The following ZFAND6 variants were observed in gnomAD, a reference collection of about 807,000 sequenced individuals.
ZFAND6 encodes zinc finger AN1-type containing 6.
A neutral mutation model predicts 24.5 loss-of-function variants in ZFAND6; 12 were observed. The ratio of observed to expected loss-of-function variants is 0.49; its 90% CI spans 0.31 to 0.79. ZFAND6 has a LOEUF of 0.79. Ranked by LOEUF, ZFAND6 falls within the 30% of genes least tolerant of loss-of-function variation. The pLI is 0.04. For synonymous variants in ZFAND6, 92 were observed against 81.5 expected, an observed-to-expected ratio of 1.13 and a Z score of -0.69; for missense variants, 207 against 245.9, an observed-to-expected ratio of 0.84 and a Z score of 1.06.
chr15:80,099,711 A>C (rs2141937789), intron 2 of ZFAND6, among the ~76,000 whole-genome samples: 1 of 144,378 alleles, frequency 6.9e-6, no homozygotes, highest in South Asian at 2.3e-4. Context: ...CTGCCTACCA[A>C]GTTCAAGTAA....
At chr15:80,086,148 C>T (rs949421568) in intron 1 of ZFAND6, among the ~76,000 whole-genome samples, 2 of 152,184 alleles carry the variant, frequency 1.3e-5, no homozygotes, top group African/African-American at 4.8e-5. Flanking sequence ...GAGTGATTCT[C>T]CTGCCTCAGC....
At chr15:80,095,262 A>C (rs1395261223) in intron 1 of ZFAND6, among the ~76,000 whole-genome samples, 1 of 152,184 alleles carries the variant, frequency 6.6e-6, no homozygotes, top group Non-Finnish European at 1.5e-5. Flanking sequence ...GAGTGTATCT[A>C]ATGTGTTCTC....
intron 1 of ZFAND6, among the ~76,000 whole-genome samples, chr15:80,070,604 T>C (rs2036921860): frequency 6.6e-6 from 1 of 152,250 alleles, no homozygotes; most frequent in South Asian, 2.1e-4. Context: ...CCGGAATCAC[T>C]GAGTCCACAG....
chr15:80,116,827 G>A (rs1234872482), intron 2 of ZFAND6, among the ~76,000 whole-genome samples: 1 of 151,942 alleles, frequency 6.6e-6, no homozygotes, highest in Non-Finnish European at 1.5e-5. Context: ...TTTATATGTG[G>A]CCTAAGACAA....
At chr15:80,074,159 A>G (rs1596195485) in intron 1 of ZFAND6, among the ~76,000 whole-genome samples, 1 of 152,046 alleles carries the variant, frequency 6.6e-6, no homozygotes, top group East Asian at 1.9e-4. Flanking sequence ...GTTTTTGCCT[A>G]AAAGCCTATT....
chr15:80,098,548 G>A lies in ZFAND6; in HGVS notation c.-48G>A, dbSNP rs995835967. Reference sequence around the variant, plus strand: ...AAGCTAATGTCTGTCTCAAGATACAGGACAGCTGTTTGCTCATCAACCTCA... The same window carrying A: ...AAGCTAATGTCTGTCTCAAGATACAAGACAGCTGTTTGCTCATCAACCTCA... On this transcript the variant is annotated 5_prime_UTR_variant, in exon 2 of 7. Transcript: ENST00000261749. 5 of 152,182 alleles carry A rather than the reference G, an allele frequency of 3.3e-5. No homozygotes were observed. Among genetic ancestry groups the A allele is most frequent in the African/African-American group, 1.2e-4 (5 of 41,452 alleles). The allele number at this position is 152,182 out of a possible 1,614,324, so 9.4% of individuals were successfully genotyped here. A position where few individuals can be genotyped will look rare whatever the true frequency, so the allele number is the denominator to read the frequency against.
At chr15:80,090,229 G>C (rs375085281) in intron 1 of ZFAND6, among the ~76,000 whole-genome samples, 2 of 152,268 alleles carry the variant, frequency 1.3e-5, no homozygotes, top group South Asian at 4.1e-4. Context: ...GTATCTGATA[G>C]TACCTAAGTA....
At chr15:80,127,150 A>G (rs2040401645) in intron 5 of ZFAND6, among the ~76,000 whole-genome samples, 1 of 152,164 alleles carries the variant, frequency 6.6e-6, no homozygotes, top group Admixed American at 6.5e-5. Flanking sequence ...AATGAGAGAA[A>G]AAATACTTTG....
At chr15:80,086,880 T>C (rs1032347605) in intron 1 of ZFAND6, among the ~76,000 whole-genome samples, 1 of 152,250 alleles carries the variant, frequency 6.6e-6, no homozygotes, top group Non-Finnish European at 1.5e-5. Context: ...AGTTTGACCA[T>C]TCCAAGTATT....
intron 1 of ZFAND6, among the ~76,000 whole-genome samples, chr15:80,091,045 T>TA (rs2141897478): frequency 6.6e-6 from 1 of 152,334 alleles, no homozygotes; most frequent in Non-Finnish European, 1.5e-5. Flanking sequence ...ATTTAGAAGA[T>TA]ATGGTCACCA....
intron 2 of ZFAND6, among the ~76,000 whole-genome samples, chr15:80,099,652 C>T (rs1056669924): frequency 8.4e-6 from 1 of 119,126 alleles, no homozygotes. Context: ...GAGTCTCACT[C>T]TGTCGCCCAG....
At chr15:80,063,307 A>G (rs1227382293) in intron 1 of ZFAND6, among the ~76,000 whole-genome samples, 1 of 152,218 alleles carries the variant, frequency 6.6e-6, no homozygotes, top group Non-Finnish European at 1.5e-5. Context: ...TGTTGATGGG[A>G]TAGTTGTCTT....
chr15:80,127,589 C>CAAAAAA (rs55872915), intron 5 of ZFAND6, among the ~76,000 whole-genome samples: 4 of 120,074 alleles, frequency 3.3e-5, no homozygotes, highest in Non-Finnish European at 5.0e-5. Flanking sequence ...AACTCCATCT[C>CAAAAAA]AAAAAAAAAA....
At position 80,082,937 on chromosome 15, in the gene ZFAND6, T is replaced by C. The variant is rs2141863411; in HGVS notation, c.-180-15479T>C. Among the ~76,000 whole-genome samples the C allele has an allele frequency of 1.3e-5, 2 of 152,282 alleles. 1 individual carries two copies. The stretch of plus-strand genomic sequence containing the variant: ...TGAGGTGGATATGGGATAGAAAAAA[T>C]GATGGTGGACTGAGCACCTACTATG... On this transcript the variant is annotated intron_variant, in intron 1 of 6. Coordinates refer to ENST00000261749, the MANE Select transcript of ZFAND6 (RefSeq NM_019006.4).
At chr15:80,067,707 C>G (rs1263705008) in intron 1 of ZFAND6, among the ~76,000 whole-genome samples, 1 of 152,110 alleles carries the variant, frequency 6.6e-6, no homozygotes, top group African/African-American at 2.4e-5. Context: ...GAGAGACAGT[C>G]TTCTGCAATA....
At chr15:80,100,850 C>T (rs960541765) in intron 2 of ZFAND6, among the ~76,000 whole-genome samples, 21 of 152,178 alleles carry the variant, frequency 1.4e-4, no homozygotes, top group African/African-American at 4.8e-4. Flanking sequence ...CAGATCCTAG[C>T]TGTCCCTTCT....
intron 1 of ZFAND6, among the ~76,000 whole-genome samples, chr15:80,062,244 TTTAA>T (rs1439456380): frequency 6.6e-6 from 1 of 152,162 alleles, no homozygotes; most frequent in Non-Finnish European, 1.5e-5. Context: ...TTGCACAGAC[TTTAA>T]TTAAGGAAAA....
intron 1 of ZFAND6, among the ~76,000 whole-genome samples, chr15:80,097,759 T>C (rs1034191567): frequency 6.6e-6 from 1 of 152,170 alleles, no homozygotes; most frequent in Admixed American, 6.5e-5. Context: ...GAAACAAAGA[T>C]TTTTATCTTG....
At chr15:80,099,978 G>GTT (rs1250849725) in intron 2 of ZFAND6, among the ~76,000 whole-genome samples, 1 of 152,120 alleles carries the variant, frequency 6.6e-6, no homozygotes, top group Non-Finnish European at 1.5e-5. Flanking sequence ...AGGGACACAT[G>GTT]TTGCTGCATT....
Sources: gnomAD v4.1 joint callset for allele counts (sites outside exome capture counted in the v4.1 genomes callset) on GRCh38, gnomAD v4.1.1 for gene constraint, MANE v1.5 for transcripts, NCBI Gene and HGNC (gene_info 2026-07-23, HGNC 2026-07-21) for gene names.